UPB1: variants seen among roughly 807,000 people sequenced by gnomAD.
UPB1 encodes the protein beta-ureidopropionase.
In UPB1, 40 loss-of-function variants were observed where a neutral mutation model predicts 49.1. The ratio of observed to expected loss-of-function variants is 0.81; its 90% CI spans 0.63 to 1.06. UPB1 has a LOEUF of 1.06. UPB1 is among the 50% of genes least tolerant of loss of function. The pLI, the probability that UPB1 is intolerant of heterozygous loss-of-function variation, is 0.00. For missense variants in UPB1, 499 were observed against 505.9 expected (o/e 0.99, Z 0.13); for synonymous variants, 207 against 198.2 (o/e 1.04, Z -0.38).
intron 3 of UPB1, among the ~76,000 whole-genome samples, chr22:24,507,031 C>G (rs1210295533): frequency 6.6e-6 from 1 of 152,154 alleles, no homozygotes; most frequent in Non-Finnish European, 1.5e-5. Context: ...CATGTGGAAC[C>G]TCGTCCCCTC....
Position 24,505,721 on chromosome 22 carries a change from A to AT in UPB1, c.364+3517dup, listed in dbSNP as rs576208684. On this transcript the variant is annotated intron_variant, in intron 3 of 9. Coordinates refer to ENST00000326010, the MANE Select transcript of UPB1 (RefSeq NM_016327.3). Reference sequence around the variant, plus strand: ...TGCTTCTTTTTTTATTTTTATTTTTATTTTTTTTTGAGGTGGAGTCTTGGT... The same window carrying AT: ...TGCTTCTTTTTTTATTTTTATTTTTATTTTTTTTTTGAGGTGGAGTCTTGGT... 3.7e-3 allele frequency among the ~76,000 whole-genome samples: 557 copies of AT among 150,350 alleles called. 4 individuals are homozygous for AT. The highest frequency in any genetic ancestry group is 0.013 in the African/African-American group (515 of 40,948).
Position 24,500,281 on chromosome 22 carries a change from G to A in UPB1, c.276+3G>A. On this transcript the variant is annotated splice_donor_region_variant and intron_variant, in intron 2 of 9. Transcript: ENST00000326010. ...CAAATGCCCCTGTGGCAGAACAGGT[G>A]CAGACTCTTTTGACCATAATAAATA... 6.2e-7 allele frequency: 1 copy of A among 1,614,022 alleles called. No individual in the cohort carries two copies. The highest frequency in any genetic ancestry group is 8.5e-7 in the Non-Finnish European group (1 of 1,180,038).
At chr22:24,502,779 C>G in intron 3 of UPB1, 2 of 506,736 alleles carry the variant, frequency 3.9e-6, no homozygotes, top group Non-Finnish European at 7.0e-6. Context: ...TTTTGCATCA[C>G]CTATTGACTT....
At chr22:24,525,155 T>C (rs547141274) in intron 9 of UPB1, among the ~76,000 whole-genome samples, 2 of 149,464 alleles carry the variant, frequency 1.3e-5, no homozygotes, top group East Asian at 4.0e-4. Flanking sequence ...TTCCCAACTT[T>C]GGTAATGGGC....
intron 6 of UPB1, chr22:24,519,991 G>T: frequency 3.4e-6 from 1 of 294,142 alleles, no homozygotes; most frequent in Non-Finnish European, 6.7e-6. Flanking sequence ...CTACCACTTG[G>T]ATCTTCACCT....
In UPB1 at chr22:24,504,392, G is replaced by GT. The variant is rs1396132780; in HGVS notation, c.364+2185dup. On this transcript the variant is annotated intron_variant, in intron 3 of 9. Coordinates refer to ENST00000326010, the MANE Select transcript of UPB1 (RefSeq NM_016327.3). Reference sequence around the variant, plus strand: ...GAACACATTGTTCCATTGTCTTCTAGTTTTTTGGGCATTGTTGAGTAGTCC... The same window carrying GT: ...GAACACATTGTTCCATTGTCTTCTAGTTTTTTTGGGCATTGTTGAGTAGTCC... Among the ~76,000 whole-genome samples, 18 of 152,310 alleles carry GT rather than the reference G, an allele frequency of 1.2e-4. No individual in the cohort carries two copies. In the East Asian group the frequency reaches 2.7e-3, roughly 23 times the overall value.
Position 24,501,148 on chromosome 22 carries a change from C to T in UPB1, c.276+870C>T, listed in dbSNP as rs2043988191. Among the ~76,000 whole-genome samples, 3 of 152,252 alleles carry T rather than the reference C, an allele frequency of 2.0e-5. No individual in the cohort carries two copies. The South Asian group carries it at 6.2e-4, about 32-fold the overall frequency. Reference sequence around the variant, plus strand: ...ACCAGCTATGTTTTTTTCACGTGCACAGGGCCTAGAAGTATGCTTTGCGTT... The same window carrying T: ...ACCAGCTATGTTTTTTTCACGTGCATAGGGCCTAGAAGTATGCTTTGCGTT... On this transcript the variant is annotated intron_variant, in intron 2 of 9. Transcript: ENST00000326010.
At chr22:24,522,252 C>T (rs2044407979) in intron 8 of UPB1, among the ~76,000 whole-genome samples, 1 of 152,152 alleles carries the variant, frequency 6.6e-6, no homozygotes, top group Non-Finnish European at 1.5e-5. Flanking sequence ...GGTTGGACTC[C>T]ATCCATTCCC....
rs563907819 is a variant in UPB1 at position 24,507,529 on chromosome 22, G to A, written c.365-3220G>A. On this transcript the variant is annotated intron_variant, in intron 3 of 9. Transcript: ENST00000326010. Reference sequence around the variant, plus strand: ...ATGTTGGAGACGATCTGCCTATTACGAAGATAGGAGTTATAAAGAAATACT... The same window carrying A: ...ATGTTGGAGACGATCTGCCTATTACAAAGATAGGAGTTATAAAGAAATACT... 1.8e-3 allele frequency among the ~76,000 whole-genome samples: 271 copies of A among 152,280 alleles called. 3 individuals are homozygous for A. Among genetic ancestry groups the A allele is most frequent in the Non-Finnish European group, 3.0e-3 (206 of 68,030 alleles).
At chr22:24,497,195 G>A (rs2146996990) in intron 1 of UPB1, among the ~76,000 whole-genome samples, 1 of 152,274 alleles carries the variant, frequency 6.6e-6, no homozygotes, top group Admixed American at 6.5e-5. Flanking sequence ...AGAAAATACA[G>A]AATGATACCA....
At chr22:24,497,006 T>G (rs1331938224) in intron 1 of UPB1, among the ~76,000 whole-genome samples, 1 of 152,132 alleles carries the variant, frequency 6.6e-6, no homozygotes, top group East Asian at 1.9e-4. Context: ...CATGGACATA[T>G]GTGGAACACT....
chr22:24,525,205 G>A (rs988222646), intron 9 of UPB1, among the ~76,000 whole-genome samples: 1 of 152,092 alleles, frequency 6.6e-6, no homozygotes, highest in African/African-American at 2.4e-5. Context: ...ATCCACCTTG[G>A]GAAAGGAGGG....
intron 2 of UPB1, 52 bp downstream of exon 2, chr22:24,500,330 C>G (rs1329893661): frequency 6.2e-7 from 1 of 1,609,530 alleles, no homozygotes; most frequent in Non-Finnish European, 8.5e-7. Context: ...GTGGCCTGCC[C>G]TTGGAGCACA....
intron 5 of UPB1, among the ~76,000 whole-genome samples, chr22:24,513,735 A>G (rs940620474): frequency 2.0e-5 from 3 of 152,168 alleles, no homozygotes; most frequent in Non-Finnish European, 2.9e-5. Flanking sequence ...TGGGGCATAT[A>G]TTTTTTTAAT....
chr22:24,499,670 C>T (rs1236227137), intron 1 of UPB1, among the ~76,000 whole-genome samples: 1 of 152,178 alleles, frequency 6.6e-6, no homozygotes, highest in Non-Finnish European at 1.5e-5. Flanking sequence ...TCTCCTGAGC[C>T]CCATTTTCCA....
chr22:24,522,187 G>A (rs534042713), intron 8 of UPB1, among the ~76,000 whole-genome samples, 159 bp downstream of exon 8: 95 of 152,294 alleles, frequency 6.2e-4, no homozygotes, highest in African/African-American at 2.1e-3. Context: ...TGCCTGCAGT[G>A]TGGGAATCGG....
At chr22:24,523,592 C>T (rs762037826) in intron 8 of UPB1, 27 bp from the exon 9 acceptor site, 1 of 1,614,044 alleles carries the variant, frequency 6.2e-7, no homozygotes, top group Middle Eastern at 1.6e-4. Context: ...CACAAGCTCA[C>T]AGATGTGTTT....
Position 24,495,351 on chromosome 22 carries a change from G to A in UPB1, c.-53G>A, listed in dbSNP as rs961705554. 6.9e-6 allele frequency: 11 copies of A among 1,592,912 alleles called. No homozygotes were observed. The highest frequency in any genetic ancestry group is 2.2e-5 in the South Asian group (2 of 90,762). On this transcript the variant is annotated 5_prime_UTR_variant, in exon 1 of 10. Transcript: ENST00000326010. ...GGGCCTGGGCACCTCCTCCCACTGC[G>A]GGCAAAGGGCAGGCAGTTCGTGCGC...
chr22:24,502,578 C>T (rs757800682), intron 3 of UPB1: 13 of 767,046 alleles, frequency 1.7e-5, no homozygotes, highest in Middle Eastern at 2.3e-4. Flanking sequence ...GCCAGCCCCC[C>T]CATCTAAACA....
Sources: gnomAD v4.1 joint callset for allele counts (sites outside exome capture counted in the v4.1 genomes callset) on GRCh38, gnomAD v4.1.1 for gene constraint, MANE v1.5 for transcripts, NCBI Gene and HGNC (gene_info 2026-07-23, HGNC 2026-07-21) for gene names.